FXR1: variants seen among roughly 807,000 people sequenced by gnomAD.
FXR1 encodes the protein FMR1 autosomal homolog 1, also known as RNA-binding protein FXR1.
FXR1 carries 15 observed loss-of-function variants against 84.0 expected under a neutral mutation model. That is an observed-to-expected ratio of 0.18 (90% CI 0.12 to 0.27). The LOEUF (loss-of-function observed/expected upper bound fraction) is 0.27, where lower values mean the gene tolerates loss of function less well. FXR1 is among the 10% of genes least tolerant of loss of function. FXR1 has a pLI of 1.00. For synonymous variants in FXR1, 245 were observed against 250.7 expected, an observed-to-expected ratio of 0.98 and a Z score of 0.21; for missense variants, 480 against 774.4, an observed-to-expected ratio of 0.62 and a Z score of 4.51.
At chr3:180,945,558 C>T (rs562391685) in intron 3 of FXR1, among the ~76,000 whole-genome samples, 53 of 152,306 alleles carry the variant, frequency 3.5e-4, no homozygotes, top group African/African-American at 8.4e-4. Context: ...GTGCACGCTA[C>T]GACACCTGGC....
At chr3:180,938,618 G>A (rs1433910177) in intron 3 of FXR1, among the ~76,000 whole-genome samples, 2 of 151,910 alleles carry the variant, frequency 1.3e-5, no homozygotes, top group African/African-American at 4.8e-5. Context: ...GTGCGATCTC[G>A]GCTCACTACA....
rs1415928409 is a variant in FXR1, at chr3:180,916,607, T to C, written c.51+3871T>C. Among the ~76,000 whole-genome samples, 5 of 152,080 alleles carry C rather than the reference T, an allele frequency of 3.3e-5. No individual in the cohort carries two copies. In the East Asian group the frequency reaches 9.7e-4, roughly 29 times the overall value. On this transcript the variant is annotated intron_variant, in intron 1 of 16. Transcript: ENST00000357559. Reference sequence around the variant, plus strand: ...ATTTTTAGTAGAGACGGGGTTTTACTGTGTAGGCCAGGCTGGCCTCGAACT... The same window carrying C: ...ATTTTTAGTAGAGACGGGGTTTTACCGTGTAGGCCAGGCTGGCCTCGAACT...
chr3:180,982,490 TG>T lies in FXR1; in HGVS notation c.*6200del, dbSNP rs1348496538. 1.3e-5 allele frequency: 2 copies of T among 152,156 alleles called. No homozygotes were observed. Among genetic ancestry groups the T allele is most frequent in the African/African-American group, 4.8e-5 (2 of 41,458 alleles). 9.4% of individuals were successfully genotyped at this position (152,156 alleles called of 1,614,324 possible). A position where few individuals can be genotyped will look rare whatever the true frequency, so the allele number is the denominator to read the frequency against. On this transcript the variant is annotated 3_prime_UTR_variant, in exon 17 of 17. Transcript: ENST00000357559. ...AAAAAATGTGCTCTGCTGTGCTCCT[TG>T]GTATTTTTAAGTGGTTTCCATTGTC...
rs180932831 is a variant in FXR1 at position 180,915,883 on chromosome 3, T to G, written c.51+3147T>G. On this transcript the variant is annotated intron_variant, in intron 1 of 16. Coordinates refer to ENST00000357559, the MANE Select transcript of FXR1 (RefSeq NM_005087.4). ...TTAGGGTAGCCTTTAAAAAATAGTATGTACACAAATGGTGGCATGCTAAAT... is the reference window on the plus strand; with the variant it reads ...TTAGGGTAGCCTTTAAAAAATAGTAGGTACACAAATGGTGGCATGCTAAAT... 1.5e-3 allele frequency among the ~76,000 whole-genome samples: 236 copies of G among 152,332 alleles called. 2 individuals carry two copies. The highest frequency in any genetic ancestry group is 5.5e-3 in the African/African-American group (230 of 41,582).
At chr3:180,939,320 A>G (rs779693592) in intron 3 of FXR1, among the ~76,000 whole-genome samples, 28 of 152,112 alleles carry the variant, frequency 1.8e-4, no homozygotes, top group Non-Finnish European at 3.2e-4. Flanking sequence ...TAGTTATGAA[A>G]TGTAATTTTT....
At position 180,980,399 on chromosome 3, in the gene FXR1, AG is replaced by A. The variant is rs1417286096; in HGVS notation, c.*4108del. 1 of 151,628 alleles carries A rather than the reference AG, an allele frequency of 6.6e-6. No homozygotes were observed. Among genetic ancestry groups the A allele is most frequent in the African/African-American group, 2.4e-5 (1 of 41,326 alleles). 9.4% of individuals were successfully genotyped at this position (151,628 alleles called of 1,614,324 possible). ...TTGGGATGTTCTTTTTTTTTGGGAA[AG>A]TTTTTTTACCCCTTTGTACCCTCTT... On this transcript the variant is annotated 3_prime_UTR_variant, in exon 17 of 17. Transcript: ENST00000357559.
chr3:180,973,584 C>T (rs536321810), intron 15 of FXR1, among the ~76,000 whole-genome samples: 1 of 152,230 alleles, frequency 6.6e-6, no homozygotes, highest in South Asian at 2.1e-4. Context: ...ATGACAATAG[C>T]CCTTTTTCCA....
chr3:180,929,979 C>G (rs762061254), intron 1 of FXR1, among the ~76,000 whole-genome samples: 1 of 152,166 alleles, frequency 6.6e-6, no homozygotes, highest in African/African-American at 2.4e-5. Context: ...AGTAGATGCT[C>G]AAGGGCCGGG....
chr3:180,974,477 T>A (rs1015130052), intron 15 of FXR1, among the ~76,000 whole-genome samples: 1 of 152,194 alleles, frequency 6.6e-6, no homozygotes, highest in African/African-American at 2.4e-5. Context: ...AGTGTTGATG[T>A]ATAAAGTGAG....
chr3:180,953,755 T>C lies in FXR1; in HGVS notation c.802-7T>C, dbSNP rs776958630. 6.9e-7 allele frequency: 1 copy of C among 1,453,686 alleles called. No homozygotes were observed. The highest frequency in any genetic ancestry group is 9.6e-7 in the Non-Finnish European group (1 of 1,041,252). 90.0% of individuals were successfully genotyped at this position (1,453,686 alleles called of 1,614,324 possible). A position where few individuals can be genotyped will look rare whatever the true frequency, so the allele number is the denominator to read the frequency against. Reference sequence around the variant, plus strand: ...GATTTCATTTTTACTTTTCCCCTCATCTACAGAGTGCTGATGCTGTAAAAA... The same window carrying C: ...GATTTCATTTTTACTTTTCCCCTCACCTACAGAGTGCTGATGCTGTAAAAA... On this transcript the variant is annotated splice_region_variant and splice_polypyrimidine_tract_variant and intron_variant, in intron 8 of 16. Transcript: ENST00000357559.
chr3:180,941,640 C>T (rs1041507276), intron 3 of FXR1, among the ~76,000 whole-genome samples: 2 of 152,114 alleles, frequency 1.3e-5, no homozygotes, highest in Non-Finnish European at 2.9e-5. Context: ...CATTGTTAGT[C>T]TTACTGCTTG....
chr3:180,974,248 T>C (rs1713945163), intron 15 of FXR1, among the ~76,000 whole-genome samples: 1 of 148,914 alleles, frequency 6.7e-6, no homozygotes, highest in Admixed American at 6.8e-5. Flanking sequence ...ACCCTCCACC[T>C]CCCGGGTTCA....
chr3:180,980,334 GCTA>G lies in FXR1; in HGVS notation c.*4046_*4048del, dbSNP rs1240186161. On this transcript the variant is annotated 3_prime_UTR_variant, in exon 17 of 17. Coordinates refer to ENST00000357559, the MANE Select transcript of FXR1 (RefSeq NM_005087.4). ...GTCTTACAGCCCCACTATTAAGTAT[GCTA>G]CTAATTAGCTTCTTGAATTTCTTTG... 1 of 151,986 alleles carries G rather than the reference GCTA, an allele frequency of 6.6e-6. No individual in the cohort carries two copies. Among genetic ancestry groups the G allele is most frequent in the East Asian group, 1.9e-4 (1 of 5,198 alleles). The allele number at this position is 151,986 out of a possible 1,614,324, so 9.4% of individuals were successfully genotyped here.
intron 1 of FXR1, among the ~76,000 whole-genome samples, chr3:180,930,354 C>T (rs757288777): frequency 6.6e-6 from 1 of 151,432 alleles, no homozygotes; most frequent in Non-Finnish European, 1.5e-5. Flanking sequence ...ATGGTGGAAG[C>T]GTTTGTGGGA....
intron 10 of FXR1, among the ~76,000 whole-genome samples, chr3:180,959,384 G>C (rs973982291): frequency 2.0e-5 from 3 of 150,536 alleles, no homozygotes; most frequent in African/African-American, 7.3e-5. Flanking sequence ...ATTATCCTTA[G>C]AACAGAAACT....
chr3:180,976,203 A>G lies in FXR1; in HGVS notation c.1777A>G (p.Lys593Glu). The change falls in exon 17 of 17, where the codon AAG becomes GAG. Residue 593 changes from lysine to glutamate, a missense_variant. Physicochemically the swap from Lys to Glu is moderately conservative, Grantham distance 56. Transcript: ENST00000357559. ...TAGTGCTTCTGGCGATGACATTTCTAAGCTACAGCGTACTCCAGGAGAAGA... is the reference window on the plus strand; with the variant it reads ...TAGTGCTTCTGGCGATGACATTTCTGAGCTACAGCGTACTCCAGGAGAAGA... Reference protein sequence around the residue: ...PTSASGDDISKLQRTPGEEKI... With the variant: ...PTSASGDDISELQRTPGEEKI... 6.2e-7 allele frequency: 1 copy of G among 1,612,554 alleles called. No homozygotes were observed. Among genetic ancestry groups the G allele is most frequent in the Non-Finnish European group, 8.5e-7 (1 of 1,178,600 alleles).
At chr3:180,971,238 T>G (rs1453723235) in intron 15 of FXR1, 1 of 409,658 alleles carries the variant, frequency 2.4e-6, no homozygotes, top group Non-Finnish European at 4.2e-6. Flanking sequence ...ATATTATACT[T>G]ACATGTACAC....
At chr3:180,920,894 A>T (rs568849857) in intron 1 of FXR1, among the ~76,000 whole-genome samples, 9 of 152,190 alleles carry the variant, frequency 5.9e-5, no homozygotes, top group Non-Finnish European at 1.0e-4. Context: ...CAAATGGGTG[A>T]ACCTAACAAG....
chr3:180,941,128 G>T (rs1487525298), intron 3 of FXR1, among the ~76,000 whole-genome samples: 1 of 151,634 alleles, frequency 6.6e-6, no homozygotes, highest in Non-Finnish European at 1.5e-5. Context: ...TTAAAAAAGA[G>T]AATAAAAATT....
Sources: gnomAD v4.1 joint callset for allele counts (sites outside exome capture counted in the v4.1 genomes callset) on GRCh38, gnomAD v4.1.1 for gene constraint, MANE v1.5 for transcripts, NCBI Gene and HGNC (gene_info 2026-07-23, HGNC 2026-07-21) for gene names.